The following PLCB1 variants were observed in gnomAD, a reference collection of about 807,000 sequenced individuals.
The protein encoded by PLCB1 is phospholipase C beta 1.
PLCB1 carries 46 observed loss-of-function variants against 161.8 expected under a neutral mutation model. The observed-to-expected ratio is 0.28, with a 90% CI of 0.22 to 0.36. The LOEUF (loss-of-function observed/expected upper bound fraction) is 0.36, where lower values mean the gene tolerates loss of function less well. PLCB1 is among the 10% of genes least tolerant of loss of function. The pLI, the probability that PLCB1 is intolerant of heterozygous loss-of-function variation, is 1.00. For missense variants in PLCB1, 1,016 were observed against 1,472.5 expected, an observed-to-expected ratio of 0.69 and a Z score of 5.07; for synonymous variants, 517 against 503.7, an observed-to-expected ratio of 1.03 and a Z score of -0.35.
chr20:8,579,035 TAAGTTATACTTGC>T (rs1986756730), intron 3 of PLCB1, among the ~76,000 whole-genome samples: 1 of 152,274 alleles, frequency 6.6e-6, no homozygotes, highest in Non-Finnish European at 1.5e-5. Flanking sequence ...TCTTTTTCTT[TAAGTTATACTTGC>T]TGCTATTTAC....
chr20:8,470,317 T>C (rs1568688475), intron 3 of PLCB1, among the ~76,000 whole-genome samples: 1 of 152,186 alleles, frequency 6.6e-6, no homozygotes, highest in East Asian at 1.9e-4. Flanking sequence ...ATGGAAACTA[T>C]GTTTAAACCA....
chr20:8,558,117 T>G (rs531552214), intron 3 of PLCB1, among the ~76,000 whole-genome samples: 1 of 151,614 alleles, frequency 6.6e-6, no homozygotes, highest in East Asian at 1.9e-4. Context: ...CACAAGAGGG[T>G]GATTATAGTC....
At chr20:8,278,450 C>CATG (rs1982704682) in intron 2 of PLCB1, among the ~76,000 whole-genome samples, 3 of 150,870 alleles carry the variant, frequency 2.0e-5, no homozygotes, top group African/African-American at 7.3e-5. Flanking sequence ...ATACATGTAA[C>CATG]TGATGAAGAG....
At chr20:8,583,187 G>C (rs1364323743) in intron 3 of PLCB1, among the ~76,000 whole-genome samples, 2 of 152,142 alleles carry the variant, frequency 1.3e-5, no homozygotes, top group African/African-American at 4.8e-5. Context: ...GTGGTTGCCA[G>C]GGGCTAGGGA....
intron 3 of PLCB1, among the ~76,000 whole-genome samples, chr20:8,627,522 G>T (rs1356894255): frequency 6.6e-6 from 1 of 152,180 alleles, no homozygotes; most frequent in Non-Finnish European, 1.5e-5. Flanking sequence ...CTAATTTTCT[G>T]CATGGACTTC....
intron 2 of PLCB1, among the ~76,000 whole-genome samples, chr20:8,220,908 A>G (rs1979372262): frequency 6.6e-6 from 1 of 152,194 alleles, no homozygotes; most frequent in Admixed American, 6.5e-5. Context: ...ACAATTGGCC[A>G]GACCTTTATG....
chr20:8,786,529 T>G (rs1431861720), intron 27 of PLCB1, among the ~76,000 whole-genome samples: 1 of 152,148 alleles, frequency 6.6e-6, no homozygotes, highest in Non-Finnish European at 1.5e-5. Context: ...TGGAACCTTA[T>G]TTGTCTGGGT....
chr20:8,711,417 A>G (rs982415487), intron 12 of PLCB1, among the ~76,000 whole-genome samples: 3 of 152,224 alleles, frequency 2.0e-5, no homozygotes, highest in Non-Finnish European at 1.5e-5. Flanking sequence ...CTAAAGGCAA[A>G]GAGACTAGTG....
rs199607567 is a variant in PLCB1 at position 8,404,165 on chromosome 20, AT to A, written c.246+32717del. 5.7e-3 allele frequency among the ~76,000 whole-genome samples: 873 copies of A among 152,338 alleles called. 6 individuals are homozygous for A. Among genetic ancestry groups the A allele is most frequent in the African/African-American group, 0.02 (821 of 41,576 alleles). On this transcript the variant is annotated intron_variant, in intron 3 of 31. Transcript: ENST00000338037. ...GAAGGAATATTGACAATCAACTTTC[AT>A]TGAAAGCAATGGGTTTTGTGATTTC...
chr20:8,670,530 G>C (rs530371893), intron 9 of PLCB1, among the ~76,000 whole-genome samples: 4 of 152,176 alleles, frequency 2.6e-5, no homozygotes, highest in Admixed American at 2.6e-4. Context: ...AGCTGTATTT[G>C]CACATAGTTA....
intron 2 of PLCB1, among the ~76,000 whole-genome samples, chr20:8,291,254 G>T (rs1317057802): frequency 1.3e-5 from 2 of 152,112 alleles, no homozygotes; most frequent in Non-Finnish European, 2.9e-5. Context: ...TCTGCTGCTT[G>T]CAGGGTGTTG....
At chr20:8,293,501 G>A (rs887530774) in intron 2 of PLCB1, among the ~76,000 whole-genome samples, 1 of 152,106 alleles carries the variant, frequency 6.6e-6, no homozygotes, top group Admixed American at 6.6e-5. Context: ...CTTCAAGGAT[G>A]ACATTCTTGA....
rs74439582 is a variant in PLCB1 at position 8,601,754 on chromosome 20, A to G, written c.247-26540A>G. ...ACACCTCTGAGCAAGTTTTCTTTGC[A>G]CTTGAGTAAAGCAGATGGATTAATG... On this transcript the variant is annotated intron_variant, in intron 3 of 31. Transcript: ENST00000338037. Among the ~76,000 whole-genome samples the G allele has an allele frequency of 7.5e-3, 1,147 of 152,300 alleles. 20 individuals carry two copies. The highest frequency in any genetic ancestry group is 0.027 in the African/African-American group (1,105 of 41,574).
intron 3 of PLCB1, among the ~76,000 whole-genome samples, chr20:8,542,352 T>C (rs189230060): frequency 4.3e-4 from 66 of 152,316 alleles, no homozygotes; most frequent in Admixed American, 7.8e-4. Context: ...AATAGGCTAA[T>C]GAAACTGACA....
chr20:8,538,431 C>T (rs1333968247), intron 3 of PLCB1, among the ~76,000 whole-genome samples: 2 of 152,134 alleles, frequency 1.3e-5, no homozygotes, highest in African/African-American at 4.8e-5. Flanking sequence ...ACTGCAGGCT[C>T]AAGCTCCTGG....
intron 2 of PLCB1, among the ~76,000 whole-genome samples, chr20:8,239,527 TAA>T (rs1043035255): frequency 4.6e-5 from 7 of 151,898 alleles, no homozygotes; most frequent in African/African-American, 1.7e-4. Flanking sequence ...TTGTCTCTAG[TAA>T]ATTGCATGTA....
At chr20:8,698,773 A>G (rs1600259264) in intron 11 of PLCB1, among the ~76,000 whole-genome samples, 1 of 152,178 alleles carries the variant, frequency 6.6e-6, no homozygotes, top group African/African-American at 2.4e-5. Flanking sequence ...AAACAATCCT[A>G]TGAGAGGGTA....
chr20:8,774,025 G>T (rs752758304), intron 26 of PLCB1, among the ~76,000 whole-genome samples: 1 of 147,606 alleles, frequency 6.8e-6, no homozygotes, highest in Non-Finnish European at 1.5e-5. Flanking sequence ...CAGCCAGGAG[G>T]GTTATCTGCA....
At chr20:8,380,628 A>G (rs1987227093) in intron 3 of PLCB1, among the ~76,000 whole-genome samples, 1 of 152,068 alleles carries the variant, frequency 6.6e-6, no homozygotes, top group South Asian at 2.1e-4. Flanking sequence ...TTCCTTGAGC[A>G]GTGGTTTGTA....
Sources: allele counts gnomAD v4.1 joint callset (sites outside exome capture counted in the v4.1 genomes callset), GRCh38; gene constraint gnomAD v4.1.1; transcripts MANE v1.5; gene names NCBI Gene and HGNC (gene_info 2026-07-23, HGNC 2026-07-21).